The following CNTNAP5 variants were observed in gnomAD, a reference collection of about 807,000 sequenced individuals.
CNTNAP5 encodes contactin associated protein family member 5.
Under a neutral mutation model 150.2 loss-of-function variants are expected in CNTNAP5, and 72 were observed. The observed-to-expected ratio is 0.48, with a 90% confidence interval of 0.40 to 0.58. CNTNAP5 has a LOEUF of 0.58. CNTNAP5 is among the 20% of genes least tolerant of loss of function. The pLI, the probability that CNTNAP5 is intolerant of heterozygous loss-of-function variation, is 0.00. For synonymous variants in CNTNAP5, 672 were observed against 619.8 expected (o/e 1.08, Z -1.25); for missense variants, 1,636 against 1,626.2 (o/e 1.01, Z -0.10).
intron 11 of CNTNAP5, among the ~76,000 whole-genome samples, chr2:124,599,139 TGTTC>T (rs1476988437): frequency 1.3e-5 from 2 of 152,200 alleles, no homozygotes; most frequent in Non-Finnish European, 2.9e-5. Context: ...AGACCGGAGC[TGTTC>T]CTATTCGGCC....
intron 1 of CNTNAP5, among the ~76,000 whole-genome samples, chr2:124,170,724 G>T (rs1369960441): frequency 6.6e-6 from 1 of 152,100 alleles, no homozygotes; most frequent in Non-Finnish European, 1.5e-5. Flanking sequence ...CTGCCTCTAT[G>T]GTGAAAGGTA....
At chr2:124,777,122 A>G (rs899888434) in intron 17 of CNTNAP5, among the ~76,000 whole-genome samples, 1 of 151,032 alleles carries the variant, frequency 6.6e-6, no homozygotes, top group Non-Finnish European at 1.5e-5. Context: ...CCCAGTGGCC[A>G]CTCAAAAATG....
At chr2:124,736,877 A>C (rs1018738611) in intron 13 of CNTNAP5, among the ~76,000 whole-genome samples, 4 of 152,262 alleles carry the variant, frequency 2.6e-5, no homozygotes, top group African/African-American at 9.6e-5. Flanking sequence ...ACCATTCTCT[A>C]TGTTGGATAT....
chr2:124,807,395 T>C (rs1006020987), intron 19 of CNTNAP5, among the ~76,000 whole-genome samples: 4 of 152,206 alleles, frequency 2.6e-5, no homozygotes, highest in African/African-American at 4.8e-5. Context: ...CATATGCCAC[T>C]GTCTTTGATC....
At chr2:124,656,781 C>T (rs1558722914) in intron 13 of CNTNAP5, among the ~76,000 whole-genome samples, 1 of 152,260 alleles carries the variant, frequency 6.6e-6, no homozygotes, top group East Asian at 1.9e-4. Flanking sequence ...TTTATGAAAG[C>T]CCATGTCCAC....
chr2:124,882,322 C>T (rs1209894419), intron 21 of CNTNAP5, among the ~76,000 whole-genome samples: 2 of 152,042 alleles, frequency 1.3e-5, no homozygotes. Flanking sequence ...GCATAGAGCA[C>T]CAGGTGTGCT....
intron 11 of CNTNAP5, among the ~76,000 whole-genome samples, chr2:124,568,160 A>G (rs1244859501): frequency 6.6e-6 from 1 of 152,194 alleles, no homozygotes; most frequent in Non-Finnish European, 1.5e-5. Context: ...GACCTCTTTT[A>G]TATTGCTTAA....
At chr2:124,566,527 C>T (rs1338079908) in intron 11 of CNTNAP5, among the ~76,000 whole-genome samples, 2 of 152,148 alleles carry the variant, frequency 1.3e-5, no homozygotes, top group Non-Finnish European at 2.9e-5. Flanking sequence ...ACACAAAAAC[C>T]TTAAAAATAT....
intron 3 of CNTNAP5, among the ~76,000 whole-genome samples, chr2:124,354,968 G>C (rs1689960448): frequency 6.6e-6 from 1 of 151,948 alleles, no homozygotes; most frequent in Admixed American, 6.6e-5. Context: ...CTTGAACCAT[G>C]AGCTTGGTCT....
chr2:124,425,921 T>C (rs1039059751), intron 4 of CNTNAP5, among the ~76,000 whole-genome samples: 4 of 152,238 alleles, frequency 2.6e-5, no homozygotes, highest in African/African-American at 7.2e-5. Flanking sequence ...ATACCTACTA[T>C]GGAAGTTCCC....
chr2:124,427,542 T>C (rs899072525), intron 4 of CNTNAP5, among the ~76,000 whole-genome samples: 1 of 152,044 alleles, frequency 6.6e-6, no homozygotes, highest in Non-Finnish European at 1.5e-5. Context: ...CTCCAAACTC[T>C]GCCTCCCGGG....
intron 3 of CNTNAP5, among the ~76,000 whole-genome samples, chr2:124,350,332 G>A (rs1260572992): frequency 6.6e-6 from 1 of 151,996 alleles, no homozygotes; most frequent in African/African-American, 2.4e-5. Context: ...AGGAAAATTG[G>A]ATCTCCTTCC....
chr2:124,205,841 GTC>G (rs1231591006), intron 1 of CNTNAP5, among the ~76,000 whole-genome samples: 1 of 152,092 alleles, frequency 6.6e-6, no homozygotes, highest in Non-Finnish European at 1.5e-5. Flanking sequence ...GTGTTTTGGT[GTC>G]TCTGGTAGAT....
intron 3 of CNTNAP5, among the ~76,000 whole-genome samples, chr2:124,281,654 A>G (rs577120027): frequency 6.6e-6 from 1 of 152,184 alleles, no homozygotes; most frequent in Non-Finnish European, 1.5e-5. Context: ...ACTTGAGGAA[A>G]CTTGGCAAAT....
At chr2:124,623,963 T>C (rs1677668547) in intron 12 of CNTNAP5, among the ~76,000 whole-genome samples, 1 of 152,220 alleles carries the variant, frequency 6.6e-6, no homozygotes, top group Non-Finnish European at 1.5e-5. Flanking sequence ...TTTAACAGCT[T>C]AGAGGTGGGA....
At chr2:124,420,949 A>C (rs770278665) in intron 4 of CNTNAP5, among the ~76,000 whole-genome samples, 1 of 152,244 alleles carries the variant, frequency 6.6e-6, no homozygotes, top group Non-Finnish European at 1.5e-5. Flanking sequence ...AGTGATTTCC[A>C]AGAAGCCCAA....
intron 1 of CNTNAP5, among the ~76,000 whole-genome samples, chr2:124,187,015 A>G (rs1685349625): frequency 6.6e-6 from 1 of 152,180 alleles, no homozygotes. Flanking sequence ...GGGGCCTGAC[A>G]CTTAGGAGGG....
At chr2:124,514,823 A>T (rs1190532139) in intron 8 of CNTNAP5, among the ~76,000 whole-genome samples, 1 of 152,210 alleles carries the variant, frequency 6.6e-6, no homozygotes, top group African/African-American at 2.4e-5. Flanking sequence ...AAGACTATGG[A>T]AGCTTAGCTG....
intron 13 of CNTNAP5, among the ~76,000 whole-genome samples, chr2:124,693,524 C>T (rs533317403): frequency 2.0e-5 from 3 of 152,044 alleles, no homozygotes; most frequent in Non-Finnish European, 2.9e-5. Context: ...GAGTTTTATT[C>T]GTTTTTCTGA....
Sources: gnomAD v4.1 joint callset for allele counts (sites outside exome capture counted in the v4.1 genomes callset) on GRCh38, gnomAD v4.1.1 for gene constraint, MANE v1.5 for transcripts, NCBI Gene and HGNC (gene_info 2026-07-23, HGNC 2026-07-21) for gene names.